The following EPSTI1 variants were observed in gnomAD, a reference collection of about 807,000 sequenced individuals.
EPSTI1 encodes epithelial-stromal interaction protein 1.
Under a neutral mutation model 49.9 loss-of-function variants are expected in EPSTI1, and 66 were observed. That is an observed-to-expected ratio of 1.32 (90% CI 1.08 to 1.62). EPSTI1 has a LOEUF of 1.62. Ranked by LOEUF, EPSTI1 falls within the 40% of genes most tolerant of loss-of-function variation. The pLI is 0.00. For synonymous variants in EPSTI1, 137 were observed against 130.7 expected, an observed-to-expected ratio of 1.05 and a Z score of -0.33; for missense variants, 394 against 365.5, an observed-to-expected ratio of 1.08 and a Z score of -0.64.
At chr13:42,900,478 CAAT>C (rs1279062232) in intron 8 of EPSTI1, 95 bp from the exon 9 acceptor site, 1 of 1,195,164 alleles carries the variant, frequency 8.4e-7, no homozygotes, top group Admixed American at 2.1e-5. Flanking sequence ...TCAACTGGTA[CAAT>C]ATTTCATTTT....
At chr13:42,987,853 T>C (rs2040113196) in intron 1 of EPSTI1, among the ~76,000 whole-genome samples, 1 of 152,302 alleles carries the variant, frequency 6.6e-6, no homozygotes, top group South Asian at 2.1e-4. Flanking sequence ...TTATGAGGAT[T>C]GAAAGAGTTA....
chr13:42,932,199 T>C (rs953489826), intron 6 of EPSTI1, among the ~76,000 whole-genome samples: 3 of 152,062 alleles, frequency 2.0e-5, no homozygotes, highest in South Asian at 2.1e-4. Flanking sequence ...TCCCAAAGCA[T>C]TGGGATTACA....
chr13:42,926,041 A>T (rs9562439), intron 7 of EPSTI1, among the ~76,000 whole-genome samples: 5 of 137,896 alleles, frequency 3.6e-5, no homozygotes, highest in South Asian at 2.5e-4. Flanking sequence ...GGAAGGAAGG[A>T]AGGAAGGTAG....
intron 1 of EPSTI1, among the ~76,000 whole-genome samples, chr13:42,982,860 C>A (rs1817060951): frequency 6.6e-6 from 1 of 152,170 alleles, no homozygotes; most frequent in African/African-American, 2.4e-5. Context: ...ATCCTCCCTC[C>A]TCCCTAAACC....
At chr13:42,896,371 C>A (rs1337187924) in intron 9 of EPSTI1, among the ~76,000 whole-genome samples, 2 of 152,062 alleles carry the variant, frequency 1.3e-5, no homozygotes, top group Non-Finnish European at 2.9e-5. Flanking sequence ...GGAAAGTGAC[C>A]CTGCTCCCCA....
At chr13:42,968,920 ATACACAC>A (rs1451704326) in intron 3 of EPSTI1, among the ~76,000 whole-genome samples, 167 bp downstream of exon 3, 24 of 101,526 alleles carry the variant, frequency 2.4e-4, no homozygotes, top group Non-Finnish European at 3.9e-4. Flanking sequence ...AAAAAAAAAA[ATACACAC>A]ACACACACAC....
At chr13:42,948,919 C>CT (rs757099823) in intron 6 of EPSTI1, among the ~76,000 whole-genome samples, 5 of 152,186 alleles carry the variant, frequency 3.3e-5, no homozygotes, top group Non-Finnish European at 7.4e-5. Flanking sequence ...AATGGATTCC[C>CT]TTGTAGCCAA....
intron 5 of EPSTI1, among the ~76,000 whole-genome samples, chr13:42,957,578 A>C (rs1350655804): frequency 2.0e-5 from 3 of 152,120 alleles, no homozygotes; most frequent in Non-Finnish European, 4.4e-5. Flanking sequence ...AATTTTATTT[A>C]TGTATTTATT....
chr13:42,963,820 T>C (rs9567074), intron 4 of EPSTI1, among the ~76,000 whole-genome samples: 47,978 of 151,968 alleles, frequency 0.32, 7,729 homozygotes, highest in Middle Eastern at 0.51. Flanking sequence ...CATAGTTAAC[T>C]TAAATGAAAA....
At chr13:42,987,294 G>A (rs2040102255) in intron 1 of EPSTI1, among the ~76,000 whole-genome samples, 1 of 151,898 alleles carries the variant, frequency 6.6e-6, no homozygotes, top group Admixed American at 6.6e-5. Context: ...TTGAACTGTG[G>A]GACACCTAGT....
intron 6 of EPSTI1, among the ~76,000 whole-genome samples, chr13:42,933,063 G>GGA (rs1210560920): frequency 2.0e-5 from 3 of 152,098 alleles, no homozygotes; most frequent in Non-Finnish European, 4.4e-5. Context: ...CATAATGACT[G>GGA]GATGTTTTAT....
chr13:42,933,361 G>C (rs2038444847), intron 6 of EPSTI1, among the ~76,000 whole-genome samples: 1 of 147,036 alleles, frequency 6.8e-6, no homozygotes, highest in African/African-American at 2.5e-5. Context: ...CACATTGTCT[G>C]AAACCTGACC....
chr13:42,959,873 G>C (rs767521438), intron 5 of EPSTI1, among the ~76,000 whole-genome samples: 1 of 152,146 alleles, frequency 6.6e-6, no homozygotes, highest in East Asian at 1.9e-4. Flanking sequence ...AAATATTCAG[G>C]GGATGAGGAA....
chr13:42,888,556 C>G (rs1041843841), intron 10 of EPSTI1, 54 bp from the exon 11 acceptor site: 2 of 1,542,066 alleles, frequency 1.3e-6, no homozygotes, highest in African/African-American at 1.4e-5. Flanking sequence ...AAATTCAAAG[C>G]CTTTGTAGTC....
At chr13:42,949,787 C>G (rs1300307685) in intron 6 of EPSTI1, among the ~76,000 whole-genome samples, 1 of 152,050 alleles carries the variant, frequency 6.6e-6, no homozygotes, top group Non-Finnish European at 1.5e-5. Context: ...CATTCCTACC[C>G]TAGCTGAAAT....
chr13:42,937,173 A>G (rs1400893660), intron 6 of EPSTI1, among the ~76,000 whole-genome samples: 2 of 152,154 alleles, frequency 1.3e-5, no homozygotes, highest in African/African-American at 4.8e-5. Flanking sequence ...GTGCAATAGC[A>G]TTATGTCTTG....
intron 6 of EPSTI1, among the ~76,000 whole-genome samples, chr13:42,949,591 C>CAAA (rs199737689): frequency 2.5e-5 from 2 of 80,204 alleles, no homozygotes; most frequent in East Asian, 5.7e-4. Flanking sequence ...GACTCCATGT[C>CAAA]AAAAAAAAAA....
rs117713912 is a variant in EPSTI1, at chr13:42,926,813, C to T, written c.564-384G>A. On this transcript the variant is annotated intron_variant, in intron 6 of 10. Transcript: ENST00000313624. ...TCAGGGTGGAGCTGTGGAACATTCA[C>T]GCCCTACAACATCCTGCTTCACACC... Among the ~76,000 whole-genome samples, 1,446 of 152,272 alleles carry T rather than the reference C, an allele frequency of 9.5e-3. 9 individuals carry two copies. The highest frequency in any genetic ancestry group is 0.017 in the Middle Eastern group (5 of 294).
chr13:42,903,474 T>A (rs187355504), intron 8 of EPSTI1, among the ~76,000 whole-genome samples: 68 of 152,242 alleles, frequency 4.5e-4, no homozygotes, highest in African/African-American at 1.5e-3. Context: ...AGGTACTGGG[T>A]TGATCTGTGC....
Sources: allele counts gnomAD v4.1 joint callset (sites outside exome capture counted in the v4.1 genomes callset), GRCh38; gene constraint gnomAD v4.1.1; transcripts MANE v1.5; gene names NCBI Gene and HGNC (gene_info 2026-07-23, HGNC 2026-07-21).